Variants in FAM168B observed in about 807,000 individuals in gnomAD.
FAM168B encodes family with sequence similarity 168 member B.
A neutral mutation model predicts 21.8 loss-of-function variants in FAM168B; 19 were observed. The observed-to-expected ratio is 0.87, with a 90% confidence interval of 0.61 to 1.28. The LOEUF (loss-of-function observed/expected upper bound fraction) is 1.28, where lower values mean the gene tolerates loss of function less well. FAM168B is among the 50% of genes most tolerant of loss of function. The pLI, the probability that FAM168B is intolerant of heterozygous loss-of-function variation, is 0.00. For synonymous variants in FAM168B, 126 were observed against 104.8 expected (o/e 1.20, Z -1.24); for missense variants, 233 against 263.1 (o/e 0.89, Z 0.79).
chr2:131,063,694 C>T (rs1692417651), intron 3 of FAM168B, among the ~76,000 whole-genome samples: 1 of 152,150 alleles, frequency 6.6e-6, no homozygotes, highest in Admixed American at 6.6e-5. Flanking sequence ...GAGGATCGCT[C>T]ATTGAGCACA....
At chr2:131,058,367 G>T (rs1692128628) in intron 3 of FAM168B, among the ~76,000 whole-genome samples, 2 of 152,080 alleles carry the variant, frequency 1.3e-5, no homozygotes, top group Non-Finnish European at 2.9e-5. Flanking sequence ...GCCCTTTCAT[G>T]GTCTCACGGT....
intron 3 of FAM168B, among the ~76,000 whole-genome samples, chr2:131,059,326 A>G (rs1474262718): frequency 2.6e-5 from 4 of 152,152 alleles, no homozygotes; most frequent in Non-Finnish European, 5.9e-5. Flanking sequence ...GTCTCAAATG[A>G]AAGAAACTGT....
chr2:131,090,942 G>A (rs1693986208), intron 1 of FAM168B, among the ~76,000 whole-genome samples: 1 of 152,166 alleles, frequency 6.6e-6, no homozygotes, highest in African/African-American at 2.4e-5. Context: ...ATGTTATCCA[G>A]GATGGTTTTG....
Position 131,048,805 on chromosome 2 carries a change from A to G in FAM168B, c.*3660T>C. The G allele has an allele frequency of 1.0e-6, 1 of 986,232 alleles. No individual in the cohort carries two copies. Among genetic ancestry groups the G allele is most frequent in the Non-Finnish European group, 1.2e-6 (1 of 830,248 alleles). 61.1% of individuals were successfully genotyped at this position (986,232 alleles called of 1,614,324 possible). On this transcript the variant is annotated 3_prime_UTR_variant, in exon 7 of 7. Transcript: ENST00000389915. Reference sequence around the variant, plus strand: ...GAGACCCTCTCAGAAAGCACCAGAGAGGAGGACCAGACGCTGCCACCCACC... The same window carrying G: ...GAGACCCTCTCAGAAAGCACCAGAGGGGAGGACCAGACGCTGCCACCCACC...
intron 3 of FAM168B, among the ~76,000 whole-genome samples, chr2:131,067,456 AG>A (rs1692620556): frequency 6.6e-6 from 1 of 152,236 alleles, no homozygotes. Flanking sequence ...AGAAAGCAGC[AG>A]GGGCTGGGTG....
Position 131,090,094 on chromosome 2 carries a change from C to T in FAM168B, c.-12+3120G>A, listed in dbSNP as rs1237241632. Among the ~76,000 whole-genome samples the T allele has an allele frequency of 4.2e-5, 6 of 141,588 alleles. No homozygotes were observed. In the East Asian group the frequency reaches 8.4e-4, roughly 20 times the overall value. 92.9% of individuals were successfully genotyped at this position (141,588 alleles called of 152,430 possible). A position where few individuals can be genotyped will look rare whatever the true frequency, so the allele number is the denominator to read the frequency against. ...CAGCACTTCGGGAGGCCGACGAGGG[C>T]GGATCACGAGGTCAGGAGATCGAGA... On this transcript the variant is annotated intron_variant, in intron 1 of 6. Coordinates refer to ENST00000389915, the MANE Select transcript of FAM168B (RefSeq NM_001009993.4).
rs1691723298 is a variant in FAM168B at position 131,052,249 on chromosome 2, C to T, written c.*216G>A. ...TACAGTTAGCTAAAAAATTGCCAGGCAGTCCACAAAACAGAATTTGCTTTA... is the reference window on the plus strand; with the variant it reads ...TACAGTTAGCTAAAAAATTGCCAGGTAGTCCACAAAACAGAATTTGCTTTA... On this transcript the variant is annotated 3_prime_UTR_variant, in exon 7 of 7. Transcript: ENST00000389915. The T allele has an allele frequency of 1.0e-6, 1 of 985,704 alleles. No individual in the cohort carries two copies. Among genetic ancestry groups the T allele is most frequent in the African/African-American group, 1.7e-5 (1 of 57,236 alleles). 61.1% of individuals were successfully genotyped at this position (985,704 alleles called of 1,614,324 possible).
In FAM168B at chr2:131,049,223, T is replaced by C. The variant is rs1222411490; in HGVS notation, c.*3242A>G. ...CAAATTATTTCCTAGACCTCATTCATCACAGCCAGATGATGCCACCAGAAA... is the reference window on the plus strand; with the variant it reads ...CAAATTATTTCCTAGACCTCATTCACCACAGCCAGATGATGCCACCAGAAA... On this transcript the variant is annotated 3_prime_UTR_variant, in exon 7 of 7. Coordinates refer to ENST00000389915, the MANE Select transcript of FAM168B (RefSeq NM_001009993.4). 12 of 985,290 alleles carry C rather than the reference T, an allele frequency of 1.2e-5. No homozygotes were observed. The highest frequency in any genetic ancestry group is 1.4e-5 in the Non-Finnish European group (12 of 829,950). The allele number at this position is 985,290 out of a possible 1,614,324, so 61.0% of individuals were successfully genotyped here.
chr2:131,077,758 CTTCAAAACCAGTT>C (rs1693231760), intron 2 of FAM168B, among the ~76,000 whole-genome samples: 1 of 152,156 alleles, frequency 6.6e-6, no homozygotes, highest in Non-Finnish European at 1.5e-5. Flanking sequence ...CTCAGATGAG[CTTCAAAACCAGTT>C]AAAGTCTGCT....
At position 131,056,930 on chromosome 2, in the gene FAM168B, C is replaced by T. The variant is rs1165769402; in HGVS notation, c.155-1235G>A. The stretch of plus-strand genomic sequence containing the variant: ...CAGGGGCCAGAGGGGCATGCGAGAA[C>T]CTTTCCAAAGAGTGCATTCACTCAA... On this transcript the variant is annotated intron_variant, in intron 3 of 6. Coordinates refer to ENST00000389915, the MANE Select transcript of FAM168B (RefSeq NM_001009993.4). 2.6e-5 allele frequency among the ~76,000 whole-genome samples: 4 copies of T among 152,186 alleles called. No homozygotes were observed. In the East Asian group the frequency reaches 7.7e-4, roughly 29 times the overall value.
rs368728045 is a variant in FAM168B at position 131,064,321 on chromosome 2, A to T, written c.154+7534T>A. On this transcript the variant is annotated intron_variant, in intron 3 of 6. Coordinates refer to ENST00000389915, the MANE Select transcript of FAM168B (RefSeq NM_001009993.4). ...AAAAAGACATTTATTTAGAAAATTT[A>T]AAAAATTCAGAAGCCTGAAGTACAT... is the stretch of plus-strand genomic sequence containing the variant. Among the ~76,000 whole-genome samples the T allele has an allele frequency of 4.5e-4, 69 of 152,294 alleles. 1 individual carries two copies. Among genetic ancestry groups the T allele is most frequent in the African/African-American group, 1.6e-3 (68 of 41,562 alleles).
chr2:131,089,729 AAAG>A (rs1444423903), intron 1 of FAM168B, among the ~76,000 whole-genome samples: 4 of 144,404 alleles, frequency 2.8e-5, no homozygotes, highest in South Asian at 4.4e-4. Context: ...AAAAAAAAAA[AAAG>A]AAAGAAAAAA....
intron 1 of FAM168B, 90 bp downstream of exon 1, chr2:131,093,124 G>C (rs1389048219): frequency 1.3e-5 from 2 of 150,466 alleles, no homozygotes; most frequent in Non-Finnish European, 3.0e-5. Context: ...CCGAGCCGCG[G>C]GCCGACCTTG....
At chr2:131,088,246 G>T (rs1031407905) in intron 1 of FAM168B, among the ~76,000 whole-genome samples, 2 of 129,792 alleles carry the variant, frequency 1.5e-5, no homozygotes, top group Admixed American at 6.9e-5. Flanking sequence ...ACTCTGTCTG[G>T]GGGGAAAAAA....
rs773493209 is a variant in FAM168B, at chr2:131,081,275, G to A, written c.70+1302C>T. ...GCATCTACCTGATGGTTCTTCTCCTGCAGTCTGTCATGGCTGGTGCCTCTT... is the reference window on the plus strand; with the variant it reads ...GCATCTACCTGATGGTTCTTCTCCTACAGTCTGTCATGGCTGGTGCCTCTT... On this transcript the variant is annotated intron_variant, in intron 2 of 6. Transcript: ENST00000389915. 8.5e-5 allele frequency among the ~76,000 whole-genome samples: 13 copies of A among 152,220 alleles called. 1 individual carries two copies. The highest frequency in any genetic ancestry group is 1.5e-4 in the Non-Finnish European group (10 of 68,032).
Position 131,055,497 on chromosome 2 carries a change from A to T in FAM168B, c.298-48T>A, listed in dbSNP as rs369972882. On this transcript the variant is annotated intron_variant, in intron 4 of 6. Coordinates refer to ENST00000389915, the MANE Select transcript of FAM168B (RefSeq NM_001009993.4). ...TGACACAGGGTCCCAGGGCCAAAGG[A>T]TGAACGCCCAGGTGGTATCACCCCT... is the stretch of plus-strand genomic sequence containing the variant. 7.1e-5 allele frequency: 113 copies of T among 1,601,064 alleles called. No homozygotes were observed. The African/African-American group carries it at 1.4e-3, about 20-fold the overall frequency.
chr2:131,072,747 G>A (rs939428130), intron 2 of FAM168B, among the ~76,000 whole-genome samples: 14 of 152,086 alleles, frequency 9.2e-5, no homozygotes, highest in African/African-American at 2.4e-4. Context: ...ATAAGCCACC[G>A]CGCCAAGCCT....
At chr2:131,058,482 T>A (rs1403378952) in intron 3 of FAM168B, among the ~76,000 whole-genome samples, 1 of 152,222 alleles carries the variant, frequency 6.6e-6, no homozygotes, top group Non-Finnish European at 1.5e-5. Context: ...TCCAGAGTCC[T>A]GACCCTTCTA....
chr2:131,083,222 C>A (rs567006639), intron 1 of FAM168B, among the ~76,000 whole-genome samples: 2 of 152,120 alleles, frequency 1.3e-5, no homozygotes, highest in African/African-American at 4.8e-5. Flanking sequence ...GGTGTGGTGG[C>A]GCGTGCCTGT....
Sources: gnomAD v4.1 joint callset for allele counts (sites outside exome capture counted in the v4.1 genomes callset) on GRCh38, gnomAD v4.1.1 for gene constraint, MANE v1.5 for transcripts, NCBI Gene and HGNC (gene_info 2026-07-23, HGNC 2026-07-21) for gene names.